Variants in ANKRD44 observed in about 807,000 individuals in gnomAD.
ANKRD44 encodes serine/threonine-protein phosphatase 6 regulatory ankyrin repeat subunit B.
Under a neutral mutation model 116.0 loss-of-function variants are expected in ANKRD44, and 35 were observed. That is an observed-to-expected ratio of 0.30 (90% CI 0.23 to 0.40). The LOEUF (loss-of-function observed/expected upper bound fraction) is 0.40, where lower values mean the gene tolerates loss of function less well. Among genes scored for constraint, ANKRD44 ranks in the 10% least tolerant of loss-of-function variants. The pLI is 1.00. For synonymous variants in ANKRD44, 435 were observed against 461.8 expected, an observed-to-expected ratio of 0.94 and a Z score of 0.74; for missense variants, 1,014 against 1,242.6, an observed-to-expected ratio of 0.82 and a Z score of 2.77.
intron 21 of ANKRD44, among the ~76,000 whole-genome samples, chr2:196,979,035 C>T (rs980024948): frequency 1.3e-5 from 2 of 151,982 alleles, no homozygotes; most frequent in Admixed American, 1.3e-4. Context: ...CTAGATCTGG[C>T]ACTAATTAGC....
At chr2:197,065,059 C>T (rs1369738645) in intron 16 of ANKRD44, among the ~76,000 whole-genome samples, 1 of 152,184 alleles carries the variant, frequency 6.6e-6, no homozygotes, top group Non-Finnish European at 1.5e-5. Flanking sequence ...GGAAGTAAAG[C>T]ACTCCTCAGC....
At chr2:197,027,512 G>T (rs1288514081) in intron 16 of ANKRD44, among the ~76,000 whole-genome samples, 2 of 152,172 alleles carry the variant, frequency 1.3e-5, no homozygotes, top group African/African-American at 4.8e-5. Context: ...ACCACTAAAA[G>T]CTGGAGAGAT....
intron 9 of ANKRD44, among the ~76,000 whole-genome samples, chr2:197,106,259 T>C (rs1408621390): frequency 6.6e-6 from 1 of 151,372 alleles, no homozygotes; most frequent in Non-Finnish European, 1.5e-5. Context: ...CTGGCCAATA[T>C]GGCGAAACCC....
intron 5 of ANKRD44, 25 bp from the exon 6 acceptor site, chr2:197,125,493 C>G (rs769197418): frequency 1.2e-6 from 2 of 1,600,632 alleles, no homozygotes; most frequent in Admixed American, 1.7e-5. Flanking sequence ...ACAATGAAAT[C>G]AAGCATACAT....
At chr2:197,224,787 T>C (rs773468684) in intron 1 of ANKRD44, among the ~76,000 whole-genome samples, 3 of 152,228 alleles carry the variant, frequency 2.0e-5, no homozygotes, top group South Asian at 2.1e-4. Flanking sequence ...ATGATAAACA[T>C]TGGTTGTTTC....
chr2:197,016,635 G>T (rs1473447558), intron 17 of ANKRD44, among the ~76,000 whole-genome samples: 2 of 152,108 alleles, frequency 1.3e-5, no homozygotes, highest in African/African-American at 4.8e-5. Context: ...ATGGATATCT[G>T]TATGTTTGCA....
Position 197,048,155 on chromosome 2 carries a change from G to A in ANKRD44, c.1651-22888C>T, listed in dbSNP as rs140290742. On this transcript the variant is annotated intron_variant, in intron 16 of 27. Coordinates refer to ENST00000282272, the MANE Select transcript of ANKRD44 (RefSeq NM_001195144.2). ...TTATGAAAAAATTTATTTTTACATT[G>A]TGTTTTTCTAAATAGACCTATTTTT... 5.7e-3 allele frequency among the ~76,000 whole-genome samples: 865 copies of A among 151,982 alleles called. 3 individuals are homozygous for A. The highest frequency in any genetic ancestry group is 8.9e-3 in the Non-Finnish European group (605 of 67,944).
At chr2:197,155,706 T>G (rs901150597) in intron 2 of ANKRD44, among the ~76,000 whole-genome samples, 2 of 152,160 alleles carry the variant, frequency 1.3e-5, no homozygotes, top group Non-Finnish European at 2.9e-5. Context: ...AACTTAAAAT[T>G]ATAAAATATC....
intron 2 of ANKRD44, among the ~76,000 whole-genome samples, chr2:197,178,476 A>T (rs1472339607): frequency 4.6e-5 from 7 of 152,100 alleles, no homozygotes; most frequent in Non-Finnish European, 8.8e-5. Flanking sequence ...GTCTCTAAAA[A>T]AAAAAAATTT....
At chr2:197,194,630 A>G (rs969610964) in intron 1 of ANKRD44, among the ~76,000 whole-genome samples, 8 of 152,294 alleles carry the variant, frequency 5.3e-5, no homozygotes, top group South Asian at 2.1e-4. Context: ...CATACCTCCT[A>G]TGGAGAAATA....
chr2:196,998,799 TG>T, intron 24 of ANKRD44, 107 bp downstream of exon 24: 2 of 1,452,242 alleles, frequency 1.4e-6, no homozygotes, highest in Non-Finnish European at 1.8e-6. Context: ...AAACTGCTAA[TG>T]GCCCTTTTCC....
At position 197,244,010 on chromosome 2, in the gene ANKRD44, G is replaced by T. The variant is rs79146884; in HGVS notation, c.28-56904C>A. Among the ~76,000 whole-genome samples the T allele has an allele frequency of 4.6e-3, 697 of 152,272 alleles. 1 individual carries two copies. Among genetic ancestry groups the T allele is most frequent in the Non-Finnish European group, 7.8e-3 (533 of 68,008 alleles). ...ATTGAACTATTATTCTTCCACCCAG[G>T]AATGCAAACATAAGATGACATATGG... On this transcript the variant is annotated intron_variant, in intron 1 of 27. Transcript: ENST00000282272.
rs139582309 is a variant in ANKRD44 at position 197,012,604 on chromosome 2, A to G, written c.1924+907T>C. Among the ~76,000 whole-genome samples, 11 of 152,146 alleles carry G rather than the reference A, an allele frequency of 7.2e-5. No homozygotes were observed. In the East Asian group the frequency reaches 2.1e-3, roughly 29 times the overall value. ...AGTAGGCAACAATTAGGTTTTTTCAACCTCTGTATTGTTTTTCTTCAGTGG... is the reference window on the plus strand; with the variant it reads ...AGTAGGCAACAATTAGGTTTTTTCAGCCTCTGTATTGTTTTTCTTCAGTGG... On this transcript the variant is annotated intron_variant, in intron 18 of 27. Transcript: ENST00000282272.
intron 1 of ANKRD44, among the ~76,000 whole-genome samples, chr2:197,253,594 C>T (rs1446499530): frequency 6.6e-6 from 1 of 151,986 alleles, no homozygotes; most frequent in Non-Finnish European, 1.5e-5. Flanking sequence ...TAAAAAGAAA[C>T]CTGTAAGAAC....
At position 197,258,270 on chromosome 2, in the gene ANKRD44, C is replaced by CTTTT. The variant is rs71395680; in HGVS notation, c.27+52304_27+52307dup. Among the ~76,000 whole-genome samples the CTTTT allele has an allele frequency of 2.0e-3, 157 of 79,222 alleles. 7 individuals carry two copies. Among genetic ancestry groups the CTTTT allele is most frequent in the African/African-American group, 3.8e-3 (61 of 16,248 alleles). The allele number at this position is 79,222 out of a possible 152,430, so 52.0% of individuals were successfully genotyped here. On this transcript the variant is annotated intron_variant, in intron 1 of 27. Coordinates refer to ENST00000282272, the MANE Select transcript of ANKRD44 (RefSeq NM_001195144.2). ...CATGTGCCGCCACACTTGGCTAATC[C>CTTTT]TTTTTTTTTTTTTTTTTTTTTTTTT...
chr2:197,166,539 G>A (rs746107342), intron 2 of ANKRD44, among the ~76,000 whole-genome samples: 5 of 152,206 alleles, frequency 3.3e-5, no homozygotes, highest in Non-Finnish European at 7.3e-5. Flanking sequence ...AAAGTTTGCT[G>A]ATTCTAGACA....
intron 1 of ANKRD44, among the ~76,000 whole-genome samples, chr2:197,300,360 A>C (rs2083863901): frequency 6.6e-6 from 1 of 152,172 alleles, no homozygotes; most frequent in Non-Finnish European, 1.5e-5. Context: ...GGTTCTACCC[A>C]CATCTGCTGC....
chr2:197,002,498 G>A (rs2076131046), intron 21 of ANKRD44, among the ~76,000 whole-genome samples: 1 of 152,144 alleles, frequency 6.6e-6, no homozygotes, highest in Non-Finnish European at 1.5e-5. Context: ...GTGATCTGAG[G>A]CAATTTACTT....
intron 1 of ANKRD44, among the ~76,000 whole-genome samples, chr2:197,275,172 T>G (rs958516841): frequency 6.6e-6 from 1 of 151,758 alleles, no homozygotes; most frequent in Non-Finnish European, 1.5e-5. Context: ...GCAGTGGTAG[T>G]GGTGTAATCA....
Sources: gnomAD v4.1 joint callset for allele counts (sites outside exome capture counted in the v4.1 genomes callset) on GRCh38, gnomAD v4.1.1 for gene constraint, MANE v1.5 for transcripts, NCBI Gene and HGNC (gene_info 2026-07-23, HGNC 2026-07-21) for gene names.